Variants in C19orf44 observed in about 807,000 individuals in gnomAD.
The protein encoded by C19orf44 is chromosome 19 open reading frame 44.
A neutral mutation model predicts 50.7 loss-of-function variants in C19orf44; 43 were observed. The ratio of observed to expected loss-of-function variants is 0.85; its 90% confidence interval spans 0.66 to 1.09. The LOEUF is 1.09. C19orf44 is among the 50% of genes least tolerant of loss of function. The pLI, the probability that C19orf44 is intolerant of heterozygous loss-of-function variation, is 0.00. For missense variants in C19orf44, 722 were observed against 836.2 expected (o/e 0.86, Z 1.68); for synonymous variants, 298 against 334.7 (o/e 0.89, Z 1.20).
intron 7 of C19orf44, 42 bp downstream of exon 7, chr19:16,514,705 A>G (rs762651838): frequency 2.8e-5 from 41 of 1,478,842 alleles, no homozygotes; most frequent in Middle Eastern, 1.8e-4. Context: ...GCAGTAGGGG[A>G]GCGGCAGCTC....
rs2085592540 is a variant in C19orf44 at position 16,519,899 on chromosome 19, GC to G, written c.*41-190del. 3.0e-6 allele frequency: 2 copies of G among 670,916 alleles called. No individual in the cohort carries two copies. The highest frequency in any genetic ancestry group is 5.2e-6 in the Non-Finnish European group (2 of 385,276). The allele number at this position is 670,916 out of a possible 1,614,324, so 41.6% of individuals were successfully genotyped here. On this transcript the variant is annotated intron_variant, in intron 8 of 8. Transcript: ENST00000221671. This position sits in a 1 kb window ranked among gnomAD's most constrained non-coding sequence, Gnocchi z 6.0. ...CTAGATAAGGGGGCTCCAGACGCTG[GC>G]CCCCACCCCACGCTCAGCATTGAGA...
intron 6 of C19orf44, 61 bp from the exon 7 acceptor site, chr19:16,514,436 G>A (rs570354966): frequency 2.7e-6 from 4 of 1,480,480 alleles, no homozygotes; most frequent in South Asian, 2.6e-5. Context: ...AGCGGTGGGG[G>A]GGGGGCTGCA....
rs1250055854 is a variant in C19orf44, at chr19:16,519,056, GGTGTAAGAACTGAGCT to G, written c.*41-1035_*41-1020del. On this transcript the variant is annotated intron_variant, in intron 8 of 8. Coordinates refer to ENST00000221671, the MANE Select transcript of C19orf44 (RefSeq NM_032207.4). The surrounding 1 kb of genome is among the most constrained non-coding windows in gnomAD (Gnocchi z 6.0). The stretch of plus-strand genomic sequence containing the variant: ...CCTGTGGCTCTCCACAAGTGGAGAC[GGTGTAAGAACTGAGCT>G]GTCACTGCAATCTTCCTCTGCCAGT... The G allele has an allele frequency of 4.9e-6, 5 of 1,027,280 alleles. No homozygotes were observed. Among genetic ancestry groups the G allele is most frequent in the Non-Finnish European group, 7.1e-6 (5 of 700,752 alleles). The allele number at this position is 1,027,280 out of a possible 1,614,324, so 63.6% of individuals were successfully genotyped here. A position where few individuals can be genotyped will look rare whatever the true frequency, so the allele number is the denominator to read the frequency against.
In C19orf44 at chr19:16,519,595, G is replaced by A. The variant is rs759651151; in HGVS notation, c.*41-499G>A. On this transcript the variant is annotated intron_variant, in intron 8 of 8. Transcript: ENST00000221671. This position sits in a 1 kb window ranked among gnomAD's most constrained non-coding sequence, Gnocchi z 6.0. ...CCCAGCACGCGTGAGGACCCATCCC[G>A]CGCCCTCCCCATTCCCTCGCCTTAC... 14 of 1,596,914 alleles carry A rather than the reference G, an allele frequency of 8.8e-6. No individual in the cohort carries two copies. The highest frequency in any genetic ancestry group is 9.4e-6 in the Non-Finnish European group (11 of 1,164,608).
chr19:16,520,795 C>T lies in C19orf44; in HGVS notation c.*742C>T, dbSNP rs1365076015. The T allele has an allele frequency of 1.3e-6, 2 of 1,599,276 alleles. No individual in the cohort carries two copies. The highest frequency in any genetic ancestry group is 1.1e-5 in the South Asian group (1 of 90,824). Reference sequence around the variant, plus strand: ...CCATCACAAGCTGTGGACCCTGGCCCCCCGGCCACTGCAGACATCTGCGCT... The same window carrying T: ...CCATCACAAGCTGTGGACCCTGGCCTCCCGGCCACTGCAGACATCTGCGCT... On this transcript the variant is annotated 3_prime_UTR_variant, in exon 9 of 9. Coordinates refer to ENST00000221671, the MANE Select transcript of C19orf44 (RefSeq NM_032207.4). This position sits in a 1 kb window ranked among gnomAD's most constrained non-coding sequence, Gnocchi z 4.0.
rs1163800980 is a variant in C19orf44 at position 16,519,103 on chromosome 19, A to G, written c.*41-991A>G. ...TGCAATCTTCCTCTGCCAGTCAGCC[A>G]GGAAGGTCCCACAGCCGGCACCGCT... On this transcript the variant is annotated intron_variant, in intron 8 of 8. Transcript: ENST00000221671. The surrounding 1 kb of genome is among the most constrained non-coding windows in gnomAD (Gnocchi z 6.0). The G allele has an allele frequency of 1.3e-6, 2 of 1,498,582 alleles. No individual in the cohort carries two copies. Among genetic ancestry groups the G allele is most frequent in the Non-Finnish European group, 1.8e-6 (2 of 1,096,550 alleles). The allele number at this position is 1,498,582 out of a possible 1,614,324, so 92.8% of individuals were successfully genotyped here.
chr19:16,519,402 GGTGCACGTGGGGGGCTGAATGTCCA>G lies in C19orf44; in HGVS notation c.*41-690_*41-666del, dbSNP rs770094441. On this transcript the variant is annotated intron_variant, in intron 8 of 8. Coordinates refer to ENST00000221671, the MANE Select transcript of C19orf44 (RefSeq NM_032207.4). The surrounding 1 kb of genome is among the most constrained non-coding windows in gnomAD (Gnocchi z 6.0). ...CCACAACAAGGCGGAGGCAGATGGGGGTGCACGTGGGGGGCTGAATGTCCAGACAGGCAGTGTAGACATGGGAAAT... is the reference window on the plus strand; with the variant it reads ...CCACAACAAGGCGGAGGCAGATGGGGGACAGGCAGTGTAGACATGGGAAAT... The G allele has an allele frequency of 6.7e-5, 104 of 1,558,318 alleles. No homozygotes were observed. The highest frequency in any genetic ancestry group is 9.1e-5 in the Non-Finnish European group (104 of 1,144,512).
At position 16,513,119 on chromosome 19, in the gene C19orf44, C is replaced by T. The variant is rs895061139; in HGVS notation, c.1735+10C>T. 1.6e-5 allele frequency: 26 copies of T among 1,612,474 alleles called. No homozygotes were observed. Among genetic ancestry groups the T allele is most frequent in the Non-Finnish European group, 2.1e-5 (25 of 1,179,004 alleles). On this transcript the variant is annotated intron_variant, in intron 6 of 8. Coordinates refer to ENST00000221671, the MANE Select transcript of C19orf44 (RefSeq NM_032207.4). ...GCAGATGCAATAGAAGGTAACAGCC[C>T]GGCTCGGGGGATCCTTCCTGTCACA...
At chr19:16,500,700 A>G (rs769541837) in intron 1 of C19orf44, 92 bp from the exon 2 acceptor site, 118 of 1,306,700 alleles carry the variant, frequency 9.0e-5, no homozygotes, top group Non-Finnish European at 1.2e-4. Context: ...GGGTTGCAAA[A>G]GACAGTGTGA....
chr19:16,514,399 A>G, intron 6 of C19orf44, 98 bp from the exon 7 acceptor site: 3 of 1,200,316 alleles, frequency 2.5e-6, no homozygotes, highest in Non-Finnish European at 3.4e-6. Flanking sequence ...AAAAAAAAAA[A>G]GATTTCAGAG....
chr19:16,506,234 C>G (rs985339758), intron 3 of C19orf44, among the ~76,000 whole-genome samples: 2 of 151,994 alleles, frequency 1.3e-5, no homozygotes, highest in Non-Finnish European at 2.9e-5. Context: ...CTCGGCCTCC[C>G]AAAGTGTTGG....
chr19:16,519,840 G>C lies in C19orf44; in HGVS notation c.*41-254G>C. 1 of 873,654 alleles carries C rather than the reference G, an allele frequency of 1.1e-6. No individual in the cohort carries two copies. Among genetic ancestry groups the C allele is most frequent in the Non-Finnish European group, 1.9e-6 (1 of 523,764 alleles). The allele number at this position is 873,654 out of a possible 1,614,324, so 54.1% of individuals were successfully genotyped here. A position where few individuals can be genotyped will look rare whatever the true frequency, so the allele number is the denominator to read the frequency against. On this transcript the variant is annotated intron_variant, in intron 8 of 8. Coordinates refer to ENST00000221671, the MANE Select transcript of C19orf44 (RefSeq NM_032207.4). The surrounding 1 kb of genome is among the most constrained non-coding windows in gnomAD (Gnocchi z 6.0). The stretch of plus-strand genomic sequence containing the variant: ...CTGTCACCAGGTGACACCGTATGCA[G>C]ATTTTGCGTCTCTACCCGTTTATCC...
chr19:16,521,308 C>G lies in C19orf44; in HGVS notation c.*1255C>G, dbSNP rs1174188024. The G allele has an allele frequency of 3.4e-6, 2 of 580,536 alleles. No individual in the cohort carries two copies. Among genetic ancestry groups the G allele is most frequent in the Non-Finnish European group, 6.0e-6 (2 of 330,592 alleles). The allele number at this position is 580,536 out of a possible 1,614,324, so 36.0% of individuals were successfully genotyped here. A position where few individuals can be genotyped will look rare whatever the true frequency, so the allele number is the denominator to read the frequency against. ...GACGTGCCGCCGTGCCACACCTTCC[C>G]TAACTTCTTCTGATGTGTCTCCATT... On this transcript the variant is annotated 3_prime_UTR_variant, in exon 9 of 9. Coordinates refer to ENST00000221671, the MANE Select transcript of C19orf44 (RefSeq NM_032207.4).
At position 16,519,034 on chromosome 19, in the gene C19orf44, G is replaced by T; in HGVS notation, c.*41-1060G>T. On this transcript the variant is annotated intron_variant, in intron 8 of 8. Coordinates refer to ENST00000221671, the MANE Select transcript of C19orf44 (RefSeq NM_032207.4). The surrounding 1 kb of genome is among the most constrained non-coding windows in gnomAD (Gnocchi z 6.0). ...ATGCGCTGGTCTTCCTTCTCTTCCT[G>T]TGGCTCTCCACAAGTGGAGACGGTG... is the stretch of plus-strand genomic sequence containing the variant. 1.1e-6 allele frequency: 1 copy of T among 889,744 alleles called. No homozygotes were observed. The highest frequency in any genetic ancestry group is 1.7e-6 in the Non-Finnish European group (1 of 589,906). 55.1% of individuals were successfully genotyped at this position (889,744 alleles called of 1,614,324 possible).
chr19:16,499,723 C>T (rs10425829), intron 1 of C19orf44: 59,117 of 151,966 alleles, frequency 0.39, 13,174 homozygotes, highest in African/African-American at 0.62. Flanking sequence ...TATACACATA[C>T]GGTAAAGATT....
chr19:16,498,031 C>T lies in C19orf44; in HGVS notation c.-2+1566C>T, dbSNP rs113533826. 7.8e-3 allele frequency among the ~76,000 whole-genome samples: 1,185 copies of T among 152,062 alleles called. 9 individuals are homozygous for T. The highest frequency in any genetic ancestry group is 0.012 in the Non-Finnish European group (823 of 68,006). On this transcript the variant is annotated intron_variant, in intron 1 of 8. Transcript: ENST00000221671. ...CTGAGGTGGGAGGATCGCGTGACCC[C>T]GGGAGGTCGAGGCTGTAGTGAGCCA...
rs1380666738 is a variant in C19orf44 at position 16,519,856 on chromosome 19, C to G, written c.*41-238C>G. 1.3e-6 allele frequency: 1 copy of G among 784,642 alleles called. No individual in the cohort carries two copies. Among genetic ancestry groups the G allele is most frequent in the Non-Finnish European group, 2.2e-6 (1 of 457,164 alleles). The allele number at this position is 784,642 out of a possible 1,614,324, so 48.6% of individuals were successfully genotyped here. A position where few individuals can be genotyped will look rare whatever the true frequency, so the allele number is the denominator to read the frequency against. On this transcript the variant is annotated intron_variant, in intron 8 of 8. Coordinates refer to ENST00000221671, the MANE Select transcript of C19orf44 (RefSeq NM_032207.4). The surrounding 1 kb of genome is among the most constrained non-coding windows in gnomAD (Gnocchi z 6.0). ...CCGTATGCAGATTTTGCGTCTCTAC[C>G]CGTTTATCCTGTCTCAGCTAGATAA...
intron 7 of C19orf44, among the ~76,000 whole-genome samples, 194 bp downstream of exon 7, chr19:16,514,857 G>A (rs1352903965): frequency 6.6e-6 from 1 of 152,210 alleles, no homozygotes; most frequent in Non-Finnish European, 1.5e-5. Context: ...GCTGGTACAG[G>A]GTGGGGTGCT....
In C19orf44 at chr19:16,519,938, C is replaced by A. The variant is rs2122239201; in HGVS notation, c.*41-156C>A. The A allele has an allele frequency of 1.5e-6, 1 of 663,146 alleles. No individual in the cohort carries two copies. Among genetic ancestry groups the A allele is most frequent in the Non-Finnish European group, 2.6e-6 (1 of 386,168 alleles). The allele number at this position is 663,146 out of a possible 1,614,324, so 41.1% of individuals were successfully genotyped here. A position where few individuals can be genotyped will look rare whatever the true frequency, so the allele number is the denominator to read the frequency against. ...CTCAGCATTGAGAGCAGGACACCTC[C>A]AACCCAGATGGTGGTTAGAAAGCAG... On this transcript the variant is annotated intron_variant, in intron 8 of 8. Coordinates refer to ENST00000221671, the MANE Select transcript of C19orf44 (RefSeq NM_032207.4). This position sits in a 1 kb window ranked among gnomAD's most constrained non-coding sequence, Gnocchi z 6.0.
Sources: allele counts gnomAD v4.1 joint callset (sites outside exome capture counted in the v4.1 genomes callset), GRCh38; gene constraint gnomAD v4.1.1; non-coding constraint Gnocchi (gnomAD v3.1); transcripts MANE v1.5; gene names NCBI Gene and HGNC (gene_info 2026-07-23, HGNC 2026-07-21).